STXBP5L: variants seen among roughly 807,000 people sequenced by gnomAD.
The protein encoded by STXBP5L is syntaxin-binding protein 5-like.
STXBP5L carries 65 observed loss-of-function variants against 144.5 expected under a neutral mutation model. That is an observed-to-expected ratio of 0.45 (90% CI 0.37 to 0.55). STXBP5L has a LOEUF of 0.55. Among genes scored for constraint, STXBP5L ranks in the 20% least tolerant of loss-of-function variants. STXBP5L has a pLI of 0.00. For synonymous variants in STXBP5L, 505 were observed against 469.6 expected, an observed-to-expected ratio of 1.08 and a Z score of -0.97; for missense variants, 1,298 against 1,405.5, an observed-to-expected ratio of 0.92 and a Z score of 1.22.
intron 3 of STXBP5L, among the ~76,000 whole-genome samples, chr3:121,029,471 T>C (rs1257316766): frequency 1.3e-5 from 2 of 152,188 alleles, no homozygotes; most frequent in Non-Finnish European, 2.9e-5. Context: ...GAAAACTGGC[T>C]AGCCATATGC....
intron 19 of STXBP5L, among the ~76,000 whole-genome samples, chr3:121,313,899 C>A (rs997247345): frequency 6.9e-6 from 1 of 144,832 alleles, no homozygotes; most frequent in Non-Finnish European, 1.5e-5. Context: ...CGGGCAGAGA[C>A]GCTCCTCACC....
intron 14 of STXBP5L, among the ~76,000 whole-genome samples, chr3:121,243,814 CAT>C (rs2049751585): frequency 6.6e-6 from 1 of 152,156 alleles, no homozygotes; most frequent in African/African-American, 2.4e-5. Flanking sequence ...TCCTAGGAAA[CAT>C]AGCATTCCTA....
At chr3:120,938,928 C>T (rs551699754) in intron 2 of STXBP5L, among the ~76,000 whole-genome samples, 4 of 152,018 alleles carry the variant, frequency 2.6e-5, no homozygotes, top group South Asian at 2.1e-4. Flanking sequence ...ACTACAGGGG[C>T]GAAACACCAT....
intron 5 of STXBP5L, among the ~76,000 whole-genome samples, chr3:121,053,620 A>C (rs1010684129): frequency 1.3e-5 from 2 of 152,208 alleles, no homozygotes; most frequent in African/African-American, 4.8e-5. Context: ...TGTTAGACCT[A>C]AAACCATAAA....
chr3:121,039,953 T>C, intron 3 of STXBP5L, among the ~76,000 whole-genome samples: 1 of 148,864 alleles, frequency 6.7e-6, no homozygotes, highest in East Asian at 1.9e-4. Context: ...TTGAGATAGA[T>C]AGGTAGATAG....
intron 11 of STXBP5L, among the ~76,000 whole-genome samples, chr3:121,230,078 A>G (rs1195470789): frequency 1.3e-5 from 2 of 152,218 alleles, no homozygotes; most frequent in Non-Finnish European, 2.9e-5. Flanking sequence ...TTACATAAAA[A>G]TTTATAGCTA....
intron 3 of STXBP5L, among the ~76,000 whole-genome samples, chr3:120,960,501 A>T (rs951974418): frequency 6.6e-6 from 1 of 152,218 alleles, no homozygotes; most frequent in South Asian, 2.1e-4. Context: ...AAAGACTTGG[A>T]ACCAACCCAA....
chr3:121,093,734 C>T lies in STXBP5L; in HGVS notation c.471-21191C>T, dbSNP rs139920539. On this transcript the variant is annotated intron_variant, in intron 5 of 26. Transcript: ENST00000471454. ...CTTTCAAAAAACCAGCTCCTGGATT[C>T]ATTAATTTTTGAAGGGTTTTTTGTG... Among the ~76,000 whole-genome samples the T allele has an allele frequency of 4.4e-3, 665 of 152,194 alleles. 5 individuals carry two copies. Among genetic ancestry groups the T allele is most frequent in the Non-Finnish European group, 7.4e-3 (504 of 68,010 alleles).
intron 5 of STXBP5L, among the ~76,000 whole-genome samples, chr3:121,072,531 C>G (rs1156281936): frequency 6.6e-6 from 1 of 152,240 alleles, no homozygotes; most frequent in Admixed American, 6.5e-5. Context: ...TGGCAAGCCT[C>G]CCATCTGAGA....
intron 20 of STXBP5L, among the ~76,000 whole-genome samples, chr3:121,338,614 G>A (rs1463780916): frequency 2.2e-5 from 3 of 133,720 alleles, no homozygotes; most frequent in South Asian, 2.3e-4. Flanking sequence ...AAAAAAGAGA[G>A]AAAGAGAGAA....
At position 121,313,840 on chromosome 3, in the gene STXBP5L, C is replaced by T. The variant is rs375669386; in HGVS notation, c.2111-4635C>T. On this transcript the variant is annotated intron_variant, in intron 19 of 26. Coordinates refer to ENST00000471454, the MANE Select transcript of STXBP5L (RefSeq NM_001308330.2). ...ACGGAGGGGCTCCTCACTTCTCAGA[C>T]GGGGCGGTTGCCAGGCAGAGGGTTT... Among the ~76,000 whole-genome samples the T allele has an allele frequency of 4.1e-3, 586 of 141,526 alleles. 5 individuals carry two copies. Among genetic ancestry groups the T allele is most frequent in the African/African-American group, 8.9e-3 (339 of 37,880 alleles). 92.8% of individuals were successfully genotyped at this position (141,526 alleles called of 152,430 possible).
chr3:121,024,005 G>A (rs921660457), intron 3 of STXBP5L, among the ~76,000 whole-genome samples: 15 of 152,090 alleles, frequency 9.9e-5, no homozygotes, highest in African/African-American at 2.9e-4. Flanking sequence ...TGATACGCCC[G>A]CCTTGGCCTC....
At chr3:121,151,938 T>G (rs2045948376) in intron 7 of STXBP5L, among the ~76,000 whole-genome samples, 1 of 147,554 alleles carries the variant, frequency 6.8e-6, no homozygotes, top group Non-Finnish European at 1.5e-5. Flanking sequence ...AATCATCTTA[T>G]TTATTGATTT....
chr3:120,944,274 A>T (rs1420384585), intron 2 of STXBP5L, among the ~76,000 whole-genome samples: 1 of 151,598 alleles, frequency 6.6e-6, no homozygotes, highest in East Asian at 1.9e-4. Context: ...AGAGCAAAAA[A>T]TATTGAAAAG....
intron 9 of STXBP5L, among the ~76,000 whole-genome samples, chr3:121,175,783 A>G (rs748394172): frequency 3.3e-5 from 5 of 152,072 alleles, no homozygotes; most frequent in African/African-American, 4.8e-5. Context: ...TTCAATTTTG[A>G]AAAAAGCAAG....
At chr3:121,018,252 G>C (rs1352106129) in intron 3 of STXBP5L, among the ~76,000 whole-genome samples, 1 of 152,132 alleles carries the variant, frequency 6.6e-6, no homozygotes, top group Non-Finnish European at 1.5e-5. Flanking sequence ...AATGGCAAAA[G>C]ACCCAGAATA....
chr3:121,041,582 T>C (rs73187434), intron 3 of STXBP5L, 118 bp from the exon 4 acceptor site: 31,227 of 699,996 alleles, frequency 0.045, 881 homozygotes, highest in Middle Eastern at 0.074. Context: ...TTTTCAACTA[T>C]TTATAAAAAT....
chr3:121,032,348 C>A (rs1038991075), intron 3 of STXBP5L, among the ~76,000 whole-genome samples: 2 of 151,362 alleles, frequency 1.3e-5, no homozygotes, highest in Non-Finnish European at 2.9e-5. Context: ...TCAAATATTG[C>A]AATAGGGATC....
At chr3:121,215,207 A>G (rs2048732013) in intron 10 of STXBP5L, among the ~76,000 whole-genome samples, 1 of 152,082 alleles carries the variant, frequency 6.6e-6, no homozygotes, top group Non-Finnish European at 1.5e-5. Flanking sequence ...CTTACATTTA[A>G]GGTTAATATT....
Sources: allele counts gnomAD v4.1 joint callset (sites outside exome capture counted in the v4.1 genomes callset), GRCh38; gene constraint gnomAD v4.1.1; transcripts MANE v1.5; gene names NCBI Gene and HGNC (gene_info 2026-07-23, HGNC 2026-07-21).